Variants in ANKS1B observed in about 807,000 individuals in gnomAD.
ANKS1B encodes the protein ankyrin repeat and sterile alpha motif domain containing 1B, also known as ankyrin repeat and sterile alpha motif domain-containing protein 1B.
Under a neutral mutation model 148.3 loss-of-function variants are expected in ANKS1B, and 36 were observed. The ratio of observed to expected loss-of-function variants is 0.24; its 90% CI spans 0.19 to 0.32. The LOEUF (loss-of-function observed/expected upper bound fraction) is 0.32, where lower values mean the gene tolerates loss of function less well. Ranked by LOEUF, ANKS1B falls within the 10% of genes least tolerant of loss-of-function variation. ANKS1B has a pLI of 1.00. For synonymous variants in ANKS1B, 542 were observed against 560.8 expected, an observed-to-expected ratio of 0.97 and a Z score of 0.47; for missense variants, 1,157 against 1,542.6, an observed-to-expected ratio of 0.75 and a Z score of 4.19.
At chr12:99,600,653 T>C (rs2153276960) in intron 9 of ANKS1B, among the ~76,000 whole-genome samples, 1 of 151,994 alleles carries the variant, frequency 6.6e-6, no homozygotes, top group Middle Eastern at 3.4e-3. Flanking sequence ...CCAAAAGACA[T>C]CAATCACGCC....
chr12:98,803,825 A>T (rs1477440660), intron 20 of ANKS1B, among the ~76,000 whole-genome samples: 1 of 152,212 alleles, frequency 6.6e-6, no homozygotes, highest in East Asian at 1.9e-4. Flanking sequence ...TAACTCACAC[A>T]CTTTTATAAT....
intron 9 of ANKS1B, among the ~76,000 whole-genome samples, chr12:99,636,473 CAT>C (rs1300984151): frequency 1.3e-5 from 2 of 152,268 alleles, no homozygotes; most frequent in Admixed American, 6.5e-5. Flanking sequence ...TTATCTGACA[CAT>C]AGATTTTCTC....
At chr12:99,238,398 G>T (rs2088481886) in intron 14 of ANKS1B, among the ~76,000 whole-genome samples, 1 of 152,194 alleles carries the variant, frequency 6.6e-6, no homozygotes, top group Non-Finnish European at 1.5e-5. Flanking sequence ...GAACAAAGCA[G>T]CCGGGAAGCT....
intron 12 of ANKS1B, among the ~76,000 whole-genome samples, chr12:99,289,048 C>T (rs898194381): frequency 6.6e-6 from 1 of 151,590 alleles, no homozygotes; most frequent in African/African-American, 2.4e-5. Flanking sequence ...AAAAACTCAT[C>T]GAGACTGAAA....
intron 14 of ANKS1B, among the ~76,000 whole-genome samples, chr12:99,228,624 T>C (rs964633322): frequency 2.0e-5 from 3 of 152,016 alleles, no homozygotes; most frequent in Non-Finnish European, 4.4e-5. Flanking sequence ...AAATTATTAA[T>C]ACATAAAAAT....
chr12:99,691,936 T>C (rs2098681269), intron 8 of ANKS1B, among the ~76,000 whole-genome samples: 1 of 152,170 alleles, frequency 6.6e-6, no homozygotes, highest in Admixed American at 6.5e-5. Context: ...TCATGGAATA[T>C]GTTTAAGAGG....
intron 10 of ANKS1B, among the ~76,000 whole-genome samples, chr12:99,486,600 G>T (rs1227244745): frequency 6.6e-6 from 1 of 152,126 alleles, no homozygotes; most frequent in Non-Finnish European, 1.5e-5. Flanking sequence ...GTAGGTAAAT[G>T]CAATACCCAA....
At chr12:99,468,768 A>G (rs1156830803) in intron 10 of ANKS1B, among the ~76,000 whole-genome samples, 2 of 152,158 alleles carry the variant, frequency 1.3e-5, no homozygotes, top group African/African-American at 2.4e-5. Flanking sequence ...TAGAATGGCA[A>G]TCATTAAAAA....
intron 10 of ANKS1B, among the ~76,000 whole-genome samples, chr12:99,468,963 T>A (rs1169025441): frequency 6.6e-6 from 1 of 152,120 alleles, no homozygotes; most frequent in Non-Finnish European, 1.5e-5. Context: ...GGACTATAAA[T>A]CATGCTGCTA....
chr12:99,344,853 A>G (rs1413839563), intron 12 of ANKS1B: 1 of 152,064 alleles, frequency 6.6e-6, no homozygotes, highest in African/African-American at 2.4e-5. Flanking sequence ...AACAACTAAG[A>G]GCACTAATTT....
intron 9 of ANKS1B, among the ~76,000 whole-genome samples, chr12:99,616,309 C>T (rs556429079): frequency 6.6e-6 from 1 of 152,226 alleles, no homozygotes; most frequent in African/African-American, 2.4e-5. Context: ...TCATATGGAA[C>T]CACAAAAGAG....
At chr12:99,751,176 A>G (rs1377345059) in intron 8 of ANKS1B, among the ~76,000 whole-genome samples, 1 of 152,064 alleles carries the variant, frequency 6.6e-6, no homozygotes, top group East Asian at 1.9e-4. Context: ...TTTAATTAAC[A>G]TAATTAAACT....
chr12:99,029,599 A>G (rs2099950784), intron 17 of ANKS1B, among the ~76,000 whole-genome samples: 1 of 152,224 alleles, frequency 6.6e-6, no homozygotes. Flanking sequence ...TCAATAAAAC[A>G]TAGACTGGAG....
intron 25 of ANKS1B, among the ~76,000 whole-genome samples, chr12:98,757,131 T>C (rs1023001673): frequency 6.6e-6 from 1 of 152,010 alleles, no homozygotes; most frequent in Non-Finnish European, 1.5e-5. Context: ...AGAGGCTGCC[T>C]GGACAGGAAC....
At chr12:99,973,045 T>C (rs1376935054) in intron 1 of ANKS1B, among the ~76,000 whole-genome samples, 3 of 152,186 alleles carry the variant, frequency 2.0e-5, no homozygotes, top group Non-Finnish European at 4.4e-5. Flanking sequence ...TGTTGAGACC[T>C]ACCACTCACA....
intron 17 of ANKS1B, among the ~76,000 whole-genome samples, chr12:98,871,841 AT>A (rs1485764717): frequency 6.6e-6 from 1 of 152,172 alleles, no homozygotes; most frequent in Non-Finnish European, 1.5e-5. Context: ...AGCAATGACA[AT>A]GAATGTGATG....
At chr12:99,762,422 A>T (rs2062223340) in intron 8 of ANKS1B, among the ~76,000 whole-genome samples, 1 of 151,974 alleles carries the variant, frequency 6.6e-6, no homozygotes, top group Non-Finnish European at 1.5e-5. Context: ...CCACAAAAAT[A>T]AACAATGGGG....
chr12:99,674,543 T>C (rs1208163230), intron 8 of ANKS1B, among the ~76,000 whole-genome samples: 3 of 151,794 alleles, frequency 2.0e-5, no homozygotes, highest in Non-Finnish European at 4.4e-5. Flanking sequence ...TAAATAGTTC[T>C]AGTTCAGAAC....
chr12:99,333,234 G>T (rs1435346273), intron 12 of ANKS1B, among the ~76,000 whole-genome samples: 1 of 152,048 alleles, frequency 6.6e-6, no homozygotes, highest in Non-Finnish European at 1.5e-5. Flanking sequence ...GAAATTTTCT[G>T]AGCAAGAGAA....
Sources: allele counts gnomAD v4.1 joint callset (sites outside exome capture counted in the v4.1 genomes callset), GRCh38; gene constraint gnomAD v4.1.1; transcripts MANE v1.5; gene names NCBI Gene and HGNC (gene_info 2026-07-23, HGNC 2026-07-21).